SOX6: variants seen among roughly 807,000 people sequenced by gnomAD.
The protein encoded by SOX6 is SRY-box transcription factor 6.
A neutral mutation model predicts 97.8 loss-of-function variants in SOX6; 11 were observed. The ratio of observed to expected loss-of-function variants is 0.11; its 90% CI spans 0.07 to 0.19. The LOEUF is 0.19. Ranked by LOEUF, SOX6 falls within the 10% of genes least tolerant of loss-of-function variation. The pLI, the probability that SOX6 is intolerant of heterozygous loss-of-function variation, is 1.00. For synonymous variants in SOX6, 360 were observed against 371.4 expected, an observed-to-expected ratio of 0.97 and a Z score of 0.35; for missense variants, 810 against 1,039.5, an observed-to-expected ratio of 0.78 and a Z score of 3.04.
chr11:16,363,082 T>C (rs936642365), intron 1 of SOX6, among the ~76,000 whole-genome samples: 1 of 152,182 alleles, frequency 6.6e-6, no homozygotes, highest in Non-Finnish European at 1.5e-5. Context: ...GTGAACAAGA[T>C]AAAATACCTG....
intron 3 of SOX6, among the ~76,000 whole-genome samples, chr11:16,648,614 C>G (rs140249477): frequency 6.6e-6 from 1 of 152,148 alleles, no homozygotes; most frequent in Non-Finnish European, 1.5e-5. Flanking sequence ...ACCCTGATCC[C>G]AGGAAGAAGA....
chr11:16,325,328 C>T (rs902565362), intron 2 of SOX6, among the ~76,000 whole-genome samples: 7 of 152,092 alleles, frequency 4.6e-5, no homozygotes, highest in African/African-American at 1.4e-4. Context: ...TGCTCCCCCA[C>T]ACACAAACAT....
At chr11:16,389,969 TAAAA>T (rs536056301) in intron 1 of SOX6, among the ~76,000 whole-genome samples, 624 of 41,840 alleles carry the variant, frequency 0.015, 12 homozygotes, top group African/African-American at 0.056. Context: ...GACTCCGTCT[TAAAA>T]AAAAAAAAAA....
chr11:16,210,203 A>G (rs1852182218), intron 4 of SOX6, among the ~76,000 whole-genome samples: 1 of 152,190 alleles, frequency 6.6e-6, no homozygotes, highest in African/African-American at 2.4e-5. Flanking sequence ...TCATAGCAGC[A>G]CTATTCATAA....
At chr11:15,992,362 C>T (rs1854081487) in intron 13 of SOX6, among the ~76,000 whole-genome samples, 1 of 152,180 alleles carries the variant, frequency 6.6e-6, no homozygotes, top group Non-Finnish European at 1.5e-5. Flanking sequence ...ACGTTTAACA[C>T]CACACAGATT....
At chr11:16,729,384 G>A (rs1362343179) in intron 2 of SOX6, among the ~76,000 whole-genome samples, 3 of 152,182 alleles carry the variant, frequency 2.0e-5, no homozygotes, top group Non-Finnish European at 2.9e-5. Context: ...AGATCTCTCT[G>A]CAGAAACCCT....
chr11:16,192,803 CA>C (rs1379935482), intron 4 of SOX6, among the ~76,000 whole-genome samples: 4 of 152,010 alleles, frequency 2.6e-5, no homozygotes, highest in African/African-American at 9.7e-5. Context: ...CATCAGTTCA[CA>C]AAAGTTAGCA....
chr11:16,461,032 T>C (rs1163475588), intron 1 of SOX6, among the ~76,000 whole-genome samples: 2 of 152,022 alleles, frequency 1.3e-5, no homozygotes, highest in African/African-American at 4.8e-5. Context: ...CAGTCTTCCG[T>C]GGGAAGAAAA....
At chr11:16,209,067 T>C (rs1442678031) in intron 4 of SOX6, among the ~76,000 whole-genome samples, 5 of 152,224 alleles carry the variant, frequency 3.3e-5, no homozygotes, top group African/African-American at 2.4e-5. Flanking sequence ...GAAGCATACA[T>C]GGGAATTCAT....
chr11:16,641,079 A>T (rs1848904734), intron 3 of SOX6, among the ~76,000 whole-genome samples: 1 of 152,180 alleles, frequency 6.6e-6, no homozygotes, highest in African/African-American at 2.4e-5. Context: ...ACACTGCTTT[A>T]AATGTGTCCC....
At chr11:16,210,717 C>G (rs530539099) in intron 4 of SOX6, among the ~76,000 whole-genome samples, 12 of 152,182 alleles carry the variant, frequency 7.9e-5, no homozygotes, top group Non-Finnish European at 1.5e-4. Context: ...TTAGGCATCT[C>G]TCGCACTCAC....
intron 13 of SOX6, among the ~76,000 whole-genome samples, chr11:15,998,146 GAATA>G (rs1297100512): frequency 2.7e-5 from 4 of 150,568 alleles, no homozygotes; most frequent in South Asian, 2.1e-4. Flanking sequence ...AATTATAAAG[GAATA>G]AATAATGTCA....
chr11:16,444,223 C>T (rs541565945), intron 1 of SOX6, among the ~76,000 whole-genome samples: 71 of 152,034 alleles, frequency 4.7e-4, no homozygotes, highest in Non-Finnish European at 8.4e-4. Context: ...TCAAATTATA[C>T]GAATGTGTTA....
chr11:16,365,600 C>A (rs1590162064), intron 1 of SOX6, among the ~76,000 whole-genome samples: 1 of 152,100 alleles, frequency 6.6e-6, no homozygotes, highest in East Asian at 1.9e-4. Context: ...GTCACTCAGA[C>A]AAACTGTTGT....
At chr11:16,698,794 C>T (rs1026876543) in intron 3 of SOX6, among the ~76,000 whole-genome samples, 1 of 152,096 alleles carries the variant, frequency 6.6e-6, no homozygotes, top group Non-Finnish European at 1.5e-5. Flanking sequence ...GCTGGTAGAG[C>T]AGTTAGAACA....
At chr11:16,094,564 G>T (rs1266159257) in intron 9 of SOX6, among the ~76,000 whole-genome samples, 1 of 151,892 alleles carries the variant, frequency 6.6e-6, no homozygotes, top group Non-Finnish European at 1.5e-5. Flanking sequence ...CATTCTTCCA[G>T]GCATTTAAAA....
At chr11:16,274,596 G>A (rs1424324448) in intron 3 of SOX6, among the ~76,000 whole-genome samples, 1 of 152,198 alleles carries the variant, frequency 6.6e-6, no homozygotes, top group Non-Finnish European at 1.5e-5. Context: ...CATGTTTAGT[G>A]CTGGGTAGCA....
intron 6 of SOX6, among the ~76,000 whole-genome samples, chr11:16,139,214 T>A (rs1322942021): frequency 6.6e-6 from 1 of 152,158 alleles, no homozygotes; most frequent in Non-Finnish European, 1.5e-5. Context: ...TTTCTACATT[T>A]TCCTAAGTAC....
chr11:16,737,998 G>T (rs1397181365), intron 1 of SOX6, among the ~76,000 whole-genome samples: 1 of 151,994 alleles, frequency 6.6e-6, no homozygotes, highest in African/African-American at 2.4e-5. Flanking sequence ...TCCACAGCGA[G>T]GTCAGTGAGG....
Sources: gnomAD v4.1 joint callset for allele counts (sites outside exome capture counted in the v4.1 genomes callset) on GRCh38, gnomAD v4.1.1 for gene constraint, MANE v1.5 for transcripts, NCBI Gene and HGNC (gene_info 2026-07-23, HGNC 2026-07-21) for gene names.